The following TTN variants were observed in gnomAD, a reference collection of about 807,000 sequenced individuals.
TTN encodes titin.
Under a neutral mutation model 3,223.0 loss-of-function variants are expected in TTN, and 1,525 were observed. The ratio of observed to expected loss-of-function variants is 0.47; its 90% CI spans 0.45 to 0.49. The LOEUF (loss-of-function observed/expected upper bound fraction) is 0.49. Ranked by LOEUF, TTN falls within the 20% of genes least tolerant of loss-of-function variation. The probability of loss-of-function intolerance (pLI) is 0.00; values close to 1 mark genes in which losing one functional copy is unlikely to be tolerated. For missense variants in TTN, 40,786 were observed against 43,424.0 expected (o/e 0.94, Z 5.40); for synonymous variants, 14,094 against 15,161.0 (o/e 0.93, Z 5.17).
Position 178,741,364 on chromosome 2 carries a change from A to G in TTN, c.11869T>C (p.Phe3957Leu). Residue 3957 changes from phenylalanine (F) to leucine (L), a missense_variant, in exon 48 of 363, where the codon TTT (phenylalanine) becomes CTT (leucine). Transcript: ENST00000589042. ...GGCTCTCCAACCACTGTGTACTCAA[A>G]GATGGCAGGAAGCCCTTGAGCACAG... Reference protein sequence around the residue: ...IRCAQGLPAIFEYTVVGEPAP... With the variant: ...IRCAQGLPAILEYTVVGEPAP... 2 of 1,613,902 alleles carry G rather than the reference A, an allele frequency of 1.2e-6. No individual in the cohort carries two copies. The highest frequency in any genetic ancestry group is 1.7e-6 in the Non-Finnish European group (2 of 1,179,824).
chr2:178,734,246 G>T (rs565680118), intron 52 of TTN, 82 bp downstream of exon 52: 1 of 1,453,320 alleles, frequency 6.9e-7, no homozygotes, highest in South Asian at 1.5e-5. Flanking sequence ...GACAAGAGAA[G>T]AAAGTACCAG....
chr2:178,793,603 G>C (rs1466605144), intron 8 of TTN, 62 bp from the exon 9 acceptor site: 2 of 1,603,564 alleles, frequency 1.2e-6, no homozygotes, highest in African/African-American at 2.7e-5. Context: ...ATTAGTTCAA[G>C]ACCAGCCTCG....
At chr2:178,758,661 C>A in intron 44 of TTN, 1 of 329,176 alleles carries the variant, frequency 3.0e-6, no homozygotes, top group Non-Finnish European at 5.7e-6. Context: ...ATTGAGAAAA[C>A]AAATCTACCT....
Position 178,777,271 on chromosome 2 carries a change from AT to A in TTN, c.4691del (p.Asn1564MetfsTer4). On this transcript the variant is annotated frameshift_variant, in exon 27 of 363. Coordinates refer to ENST00000589042, the MANE Select transcript of TTN (RefSeq NM_001267550.2). LOFTEE classifies it high-confidence loss of function. ...GTCGGGAACCTTCCTTTATATTGAC[AT>A]TTTTCAGTTTTTCTACAAACATCGG... is the stretch of plus-strand genomic sequence containing the variant. ...VKPMFVEKLK[N>X]VNIKEGSRLE... 6.2e-7 allele frequency: 1 copy of A among 1,613,970 alleles called. No individual in the cohort carries two copies. Among genetic ancestry groups the A allele is most frequent in the Non-Finnish European group, 8.5e-7 (1 of 1,179,950 alleles).
In TTN at chr2:178,725,599, C is replaced by T. The variant is rs746830456; in HGVS notation, c.20605G>A (p.Glu6869Lys). 12 of 1,610,030 alleles carry T rather than the reference C, an allele frequency of 7.5e-6. No individual in the cohort carries two copies. Among genetic ancestry groups the T allele is most frequent in the African/African-American group, 1.3e-5 (1 of 74,736 alleles). ...ATGGATGCTTGTAATTCAGCAGGCT[C>T]TCCGGCTACAACAGTGAGGCTGTTC... is the stretch of plus-strand genomic sequence containing the variant. ...KLNSLTVVAG[E>K]PAELQASIEG... Residue 6869 changes from glutamate (E) to lysine (K), a missense_variant, in exon 71 of 363, where the codon GAG becomes AAG. Physicochemically the swap from Glu to Lys is moderately conservative, Grantham distance 56. Transcript: ENST00000589042.
chr2:178,749,745 TA>T, intron 47 of TTN: 1 of 1,612,954 alleles, frequency 6.2e-7, no homozygotes. Context: ...TTAACATCCT[TA>T]ATATATAATT....
Position 178,634,400 on chromosome 2 carries a change from C to T in TTN, c.42381G>A (p.Glu14127=). ...DDEGVYTAEV[E]GKKTSARLFV... is the part of the protein sequence containing the mutation. ...ACAACCGAGCTGAGGTCTTCTTGCCCTCCACCTCAGCAGTATAGACCCCTT... is the reference window on the plus strand; with the variant it reads ...ACAACCGAGCTGAGGTCTTCTTGCCTTCCACCTCAGCAGTATAGACCCCTT... The change falls in exon 230 of 363, where the codon GAG becomes GAA. Residue 14127 remains glutamate, a synonymous_variant. Coordinates refer to ENST00000589042, the MANE Select transcript of TTN (RefSeq NM_001267550.2). The surrounding 1 kb of genome is among the most constrained non-coding windows in gnomAD (Gnocchi z 4.6). 2 of 1,610,878 alleles carry T rather than the reference C, an allele frequency of 1.2e-6. No individual in the cohort carries two copies. The highest frequency in any genetic ancestry group is 1.7e-6 in the Non-Finnish European group (2 of 1,179,020).
rs771426226 is a variant in TTN at position 178,592,601 on chromosome 2, C to T, written c.59404G>A (p.Asp19802Asn). The T allele has an allele frequency of 6.2e-7, 1 of 1,613,428 alleles. No homozygotes were observed. Among genetic ancestry groups the T allele is most frequent in the Non-Finnish European group, 8.5e-7 (1 of 1,179,622 alleles). Residue 19802 changes from aspartate (D) to asparagine (N), a missense_variant, in exon 301 of 363, where the codon GAT becomes AAT. By Grantham distance (23) the Asp-to-Asn change is conservative. Transcript: ENST00000589042. ...MAREQHIKVG[D>N]TLRLSAIIKG... ...ATGATGGCACTAAGTCTTAGAGTAT[C>T]ACCAACTTTAATGTGTTGTTCTCTT...
rs72677251 is a variant in TTN, at chr2:178,610,537, C to T, written c.51137-148G>A. On this transcript the variant is annotated intron_variant, in intron 270 of 362. Transcript: ENST00000589042. ...ATTCACACTGCAGAGCATTTAGCAT[C>T]CTTGGCTCCCAACTACTAAATGTCA... The T allele has an allele frequency of 5.4e-4, 468 of 872,108 alleles. 1 individual carries two copies. The African/African-American group carries it at 6.9e-3, about 13-fold the overall frequency. 54.0% of individuals were successfully genotyped at this position (872,108 alleles called of 1,614,324 possible). A position where few individuals can be genotyped will look rare whatever the true frequency, so the allele number is the denominator to read the frequency against.
In TTN at chr2:178,544,548, A is replaced by G. The variant is rs767094023; in HGVS notation, c.95723-42T>C. The G allele has an allele frequency of 2.0e-6, 3 of 1,518,988 alleles. No individual in the cohort carries two copies. In the African/African-American group the frequency reaches 4.1e-5, roughly 21 times the overall value. 94.1% of individuals were successfully genotyped at this position (1,518,988 alleles called of 1,614,324 possible). On this transcript the variant is annotated intron_variant, in intron 344 of 362. Coordinates refer to ENST00000589042, the MANE Select transcript of TTN (RefSeq NM_001267550.2). ...GTGAGATGCAGATATTAGGCAAATA[A>G]GGAAATGTTGAGATTTGTATTTTTT... is the stretch of plus-strand genomic sequence containing the variant.
chr2:178,732,480 G>T lies in TTN; in HGVS notation c.16581C>A (p.Val5527=). Residue 5527 remains valine, a synonymous_variant, in exon 56 of 363, where the codon GTC becomes GTA. Transcript: ENST00000589042. ...TTGCACTGCATTCCACCCCTCCAGC[G>T]ACATTGCTGACTTTACATGTGTACG... ...SGTYTCKVSN[V]AGGVECSANL... The T allele has an allele frequency of 6.2e-7, 1 of 1,612,686 alleles. No individual in the cohort carries two copies. Among genetic ancestry groups the T allele is most frequent in the Non-Finnish European group, 8.5e-7 (1 of 1,179,110 alleles).
chr2:178,562,855 A>G lies in TTN; in HGVS notation c.83277T>C (p.Val27759=), dbSNP rs1341739001. The stretch of plus-strand genomic sequence containing the variant: ...TTGGTGAGTCAAGAACTCTGACGTT[A>G]ACAAAAGCTGTTTTGGAGCCACTAT... The part of the protein sequence containing the change: ...ENNSGSKTAF[V]NVRVLDSPSA... The change falls in exon 326 of 363, where the codon GTT becomes GTC. Residue 27759 remains valine, a synonymous_variant. Coordinates refer to ENST00000589042, the MANE Select transcript of TTN (RefSeq NM_001267550.2). 9 of 1,612,918 alleles carry G rather than the reference A, an allele frequency of 5.6e-6. No homozygotes were observed. Among genetic ancestry groups the G allele is most frequent in the African/African-American group, 2.7e-5 (2 of 74,906 alleles).
intron 67 of TTN, 82 bp downstream of exon 67, chr2:178,728,028 C>A (rs1341546429): frequency 6.9e-7 from 1 of 1,444,710 alleles, no homozygotes; most frequent in African/African-American, 1.4e-5. Context: ...GAGATTTTAG[C>A]TCTAAAGGAT....
chr2:178,545,887 C>T lies in TTN; in HGVS notation c.95349G>A (p.Arg31783=). 6.2e-7 allele frequency: 1 copy of T among 1,613,862 alleles called. No homozygotes were observed. Among genetic ancestry groups the T allele is most frequent in the Non-Finnish European group, 8.5e-7 (1 of 1,179,794 alleles). Residue 31783 remains arginine (R), a synonymous_variant, in exon 343 of 363, where the codon AGG becomes AGA. Coordinates refer to ENST00000589042, the MANE Select transcript of TTN (RefSeq NM_001267550.2). ...CACCAGGGCCATATTTGTTTACTGC[C>T]CTCACTCGGAATATGTACTCATTGT... ...IKNNEYIFRV[R]AVNKYGPGVP... is the part of the protein sequence containing the mutation.
chr2:178,609,444 A>G lies in TTN; in HGVS notation c.51866T>C (p.Val17289Ala). The G allele has an allele frequency of 6.2e-7, 1 of 1,612,334 alleles. No individual in the cohort carries two copies. Among genetic ancestry groups the G allele is most frequent in the Non-Finnish European group, 8.5e-7 (1 of 1,179,080 alleles). ...TGCACGCTTCTTAATTTCCTCTGGT[A>G]CAATAACATTTTCATCCTTTATCCA... ...ITWIKDENVI[V>A]PEEIKKRAAP... The change falls in exon 273 of 363, where the codon GTA becomes GCA. Residue 17289 changes from valine to alanine, a missense_variant. By Grantham distance (64) the Val-to-Ala change is moderately conservative (BLOSUM62 0). Transcript: ENST00000589042.
In TTN at chr2:178,704,255, C is replaced by T; in HGVS notation, c.30115G>A (p.Glu10039Lys). The change falls in exon 106 of 363, where the codon GAA becomes AAA. Residue 10039 changes from glutamate (E) to lysine (K), a missense_variant. Physicochemically the swap from Glu to Lys is moderately conservative, Grantham distance 56. Coordinates refer to ENST00000589042, the MANE Select transcript of TTN (RefSeq NM_001267550.2). Reference sequence around the variant, plus strand: ...ATGGTCAATTTATGGACTTTGTGTTCCACTTCTGTTTTATGTCTACCTTGG... The same window carrying T: ...ATGGTCAATTTATGGACTTTGTGTTTCACTTCTGTTTTATGTCTACCTTGG... ...KPQGRHKTEV[E>K]HKVHKLTIAD... 2 of 1,613,998 alleles carry T rather than the reference C, an allele frequency of 1.2e-6. No individual in the cohort carries two copies. The highest frequency in any genetic ancestry group is 1.7e-6 in the Non-Finnish European group (2 of 1,179,878).
intron 142 of TTN, 86 bp from the exon 143 acceptor site, chr2:178,678,916 G>A: frequency 9.4e-7 from 1 of 1,063,776 alleles, no homozygotes; most frequent in Non-Finnish European, 1.4e-6. Flanking sequence ...CTTAACTGAA[G>A]CAGCATAGAT....
At chr2:178,622,811 A>G (rs1351210556) in intron 242 of TTN, 44 bp from the exon 243 acceptor site, 1 of 1,434,404 alleles carries the variant, frequency 7.0e-7, no homozygotes, top group African/African-American at 1.4e-5. Flanking sequence ...GTTTCTGGAA[A>G]TTTACTCTGA....
intron 129 of TTN, 83 bp from the exon 130 acceptor site, chr2:178,685,072 A>G (rs1280684624): frequency 7.9e-7 from 1 of 1,264,188 alleles, no homozygotes; most frequent in African/African-American, 1.5e-5. Context: ...TCACTTTTTG[A>G]AAAGATTGCA....
Sources: gnomAD v4.1 joint callset for allele counts on GRCh38, gnomAD v4.1.1 for gene constraint, Gnocchi (gnomAD v3.1) non-coding constraint, MANE v1.5 for transcripts, NCBI Gene and HGNC (gene_info 2026-07-23, HGNC 2026-07-21) for gene names.